MARCHF1: variants seen among roughly 807,000 people sequenced by gnomAD.
The protein encoded by MARCHF1 is E3 ubiquitin-protein ligase MARCHF1.
In MARCHF1, 40 loss-of-function variants were observed where a neutral mutation model predicts 54.2. That is an observed-to-expected ratio of 0.74 (90% CI 0.57 to 0.96). The LOEUF (loss-of-function observed/expected upper bound fraction) is 0.96. Ranked by LOEUF, MARCHF1 falls within the 40% of genes least tolerant of loss-of-function variation. The probability of loss-of-function intolerance (pLI) is 0.00; values close to 1 mark genes in which losing one functional copy is unlikely to be tolerated. For synonymous variants in MARCHF1, 236 were observed against 236.3 expected (o/e 1.00, Z 0.01); for missense variants, 586 against 656.5 (o/e 0.89, Z 1.17).
chr4:164,306,579 G>T (rs575998486), intron 1 of MARCHF1, among the ~76,000 whole-genome samples: 1 of 152,212 alleles, frequency 6.6e-6, no homozygotes, highest in Non-Finnish European at 1.5e-5. Flanking sequence ...GCCCTCCCCT[G>T]AAATTCCTTG....
At chr4:164,335,599 A>G (rs977077791) in intron 1 of MARCHF1, among the ~76,000 whole-genome samples, 1 of 138,586 alleles carries the variant, frequency 7.2e-6, no homozygotes, top group African/African-American at 2.6e-5. Context: ...AAAAAAAAAA[A>G]GAGAATTTGC....
intron 4 of MARCHF1, among the ~76,000 whole-genome samples, chr4:163,818,753 A>T (rs1206871065): frequency 2.0e-5 from 3 of 152,086 alleles, no homozygotes; most frequent in African/African-American, 7.2e-5. Context: ...TCTCTAAAAG[A>T]CACCAGTCTC....
intron 4 of MARCHF1, among the ~76,000 whole-genome samples, chr4:163,794,063 C>G (rs1747846257): frequency 6.6e-6 from 1 of 152,146 alleles, no homozygotes; most frequent in Non-Finnish European, 1.5e-5. Flanking sequence ...AAATGTGTCA[C>G]TTATGCAAAT....
chr4:164,203,810 A>G (rs1165467851), intron 1 of MARCHF1, among the ~76,000 whole-genome samples: 2 of 152,198 alleles, frequency 1.3e-5, no homozygotes, highest in South Asian at 2.1e-4. Flanking sequence ...ATCATTGTGA[A>G]GTAACCTTGA....
At chr4:164,128,256 A>T (rs1199697342) in intron 1 of MARCHF1, among the ~76,000 whole-genome samples, 1 of 152,152 alleles carries the variant, frequency 6.6e-6, no homozygotes, top group African/African-American at 2.4e-5. Context: ...TAATGACAGA[A>T]AATCCAGTAG....
chr4:164,007,833 T>C (rs1375936501), intron 2 of MARCHF1, among the ~76,000 whole-genome samples: 1 of 151,888 alleles, frequency 6.6e-6, no homozygotes, highest in Non-Finnish European at 1.5e-5. Context: ...TCACTAAAAA[T>C]AAAAAGCAAC....
intron 2 of MARCHF1, among the ~76,000 whole-genome samples, chr4:164,038,354 C>T (rs1477887427): frequency 1.3e-5 from 2 of 151,974 alleles, no homozygotes; most frequent in Non-Finnish European, 2.9e-5. Context: ...ATTATCCAGG[C>T]GTGGTGGCGG....
chr4:163,694,933 C>T (rs774391332), intron 5 of MARCHF1, among the ~76,000 whole-genome samples: 2 of 152,054 alleles, frequency 1.3e-5, no homozygotes, highest in Non-Finnish European at 2.9e-5. Context: ...CAGGACAGAC[C>T]TTAACTCAGG....
chr4:164,197,073 T>C (rs1437169157), intron 1 of MARCHF1: 5 of 1,606,348 alleles, frequency 3.1e-6, no homozygotes, highest in Admixed American at 3.4e-5. Context: ...CATCTACCTC[T>C]CCATCGTTAT....
chr4:164,035,355 T>C (rs1393226774), intron 2 of MARCHF1, among the ~76,000 whole-genome samples: 1 of 151,946 alleles, frequency 6.6e-6, no homozygotes, highest in African/African-American at 2.4e-5. Context: ...ATTAGTTATG[T>C]TTTTCATAAA....
At chr4:163,887,292 T>C (rs1269286206) in intron 3 of MARCHF1, among the ~76,000 whole-genome samples, 3 of 152,028 alleles carry the variant, frequency 2.0e-5, no homozygotes, top group Non-Finnish European at 4.4e-5. Context: ...TTATGGGAAT[T>C]TTCTATTGAA....
intron 3 of MARCHF1, among the ~76,000 whole-genome samples, chr4:163,910,506 T>TG (rs199741970): frequency 6.6e-6 from 1 of 151,868 alleles, no homozygotes; most frequent in African/African-American, 2.4e-5. Flanking sequence ...TTGTTGTTGT[T>TG]TTGTTTTTGA....
chr4:163,822,945 C>G (rs897428832), intron 4 of MARCHF1, among the ~76,000 whole-genome samples: 1 of 151,954 alleles, frequency 6.6e-6, no homozygotes, highest in South Asian at 2.1e-4. Context: ...ACTGTAGACT[C>G]TAAGACCATA....
chr4:163,645,971 A>G (rs1459583971), intron 5 of MARCHF1, among the ~76,000 whole-genome samples: 5 of 152,178 alleles, frequency 3.3e-5, no homozygotes, highest in Non-Finnish European at 5.9e-5. Context: ...TTAAAGGAAT[A>G]CTGTCTGAAA....
intron 3 of MARCHF1, chr4:163,932,724 G>C (rs570568828): frequency 3.7e-6 from 2 of 538,916 alleles, no homozygotes; most frequent in African/African-American, 3.9e-5. Context: ...GCAGAAGACA[G>C]ACACCTCCGA....
intron 1 of MARCHF1, among the ~76,000 whole-genome samples, chr4:164,146,444 A>G (rs561946822): frequency 6.6e-6 from 1 of 152,268 alleles, no homozygotes; most frequent in South Asian, 2.1e-4. Context: ...TATAGTAACC[A>G]AAACAGCATG....
intron 2 of MARCHF1, among the ~76,000 whole-genome samples, chr4:164,030,511 T>C (rs1397522179): frequency 1.3e-5 from 2 of 152,210 alleles, no homozygotes; most frequent in African/African-American, 4.8e-5. Flanking sequence ...ACACTTTCTG[T>C]GAAAGATTTA....
chr4:163,868,352 T>C (rs1750100062), intron 3 of MARCHF1, among the ~76,000 whole-genome samples: 1 of 151,904 alleles, frequency 6.6e-6, no homozygotes, highest in East Asian at 1.9e-4. Context: ...AGGAAAATCA[T>C]ACAGAGAGAA....
intron 1 of MARCHF1, among the ~76,000 whole-genome samples, chr4:164,235,975 G>A (rs868182341): frequency 2.0e-5 from 3 of 152,072 alleles, no homozygotes; most frequent in Admixed American, 6.6e-5. Flanking sequence ...AGGAGAGGCC[G>A]CATTGCTTAG....
Sources: allele counts gnomAD v4.1 joint callset (sites outside exome capture counted in the v4.1 genomes callset), GRCh38; gene constraint gnomAD v4.1.1; transcripts MANE v1.5; gene names NCBI Gene and HGNC (gene_info 2026-07-23, HGNC 2026-07-21).